GLIPR1L1: variants seen among roughly 807,000 people sequenced by gnomAD.
GLIPR1L1 encodes the protein GLIPR1 like 1, also known as GLIPR1-like protein 1.
Under a neutral mutation model 29.9 loss-of-function variants are expected in GLIPR1L1, and 26 were observed. That is an observed-to-expected ratio of 0.87 (90% CI 0.64 to 1.21). The LOEUF (loss-of-function observed/expected upper bound fraction) is 1.21, where lower values mean the gene tolerates loss of function less well. GLIPR1L1 is among the 50% of genes most tolerant of loss of function. The pLI, the probability that GLIPR1L1 is intolerant of heterozygous loss-of-function variation, is 0.00. For synonymous variants in GLIPR1L1, 77 were observed against 97.5 expected, an observed-to-expected ratio of 0.79 and a Z score of 1.24; for missense variants, 305 against 290.3, an observed-to-expected ratio of 1.05 and a Z score of -0.37.
chr12:75,352,208 A>G (rs953298500), intron 3 of GLIPR1L1, among the ~76,000 whole-genome samples: 2 of 152,248 alleles, frequency 1.3e-5, no homozygotes, highest in African/African-American at 4.8e-5. Flanking sequence ...AAGGCACAGA[A>G]TGGTAAGCTG....
intron 3 of GLIPR1L1, among the ~76,000 whole-genome samples, chr12:75,350,777 G>T (rs1241033737): frequency 6.6e-6 from 1 of 152,228 alleles, no homozygotes; most frequent in East Asian, 1.9e-4. Flanking sequence ...CAAAAAGCCA[G>T]AGTGTCTCTT....
intron 2 of GLIPR1L1, among the ~76,000 whole-genome samples, chr12:75,345,682 G>T (rs970513068): frequency 6.6e-6 from 1 of 152,154 alleles, no homozygotes; most frequent in Non-Finnish European, 1.5e-5. Flanking sequence ...TGGATACTAA[G>T]GGAAAATTGA....
chr12:75,343,283 C>A (rs1319432645), intron 1 of GLIPR1L1, among the ~76,000 whole-genome samples: 1 of 151,934 alleles, frequency 6.6e-6, no homozygotes, highest in Non-Finnish European at 1.5e-5. Flanking sequence ...TTATCTTTAT[C>A]AAATTAAGGG....
intron 3 of GLIPR1L1, among the ~76,000 whole-genome samples, chr12:75,353,133 A>G (rs2042924437): frequency 6.6e-6 from 1 of 152,200 alleles, no homozygotes; most frequent in South Asian, 2.1e-4. Context: ...GAAGACAAGA[A>G]AAAGCCAAGA....
Position 75,343,684 on chromosome 12 carries a change from A to G in GLIPR1L1, c.175-9A>G. On this transcript the variant is annotated splice_polypyrimidine_tract_variant and intron_variant, in intron 1 of 5. Transcript: ENST00000378695. Reference sequence around the variant, plus strand: ...GCACAATTCAATTTAAATTATTTTTATCTTTCAGATTTGGGATAAAGGTTT... The same window carrying G: ...GCACAATTCAATTTAAATTATTTTTGTCTTTCAGATTTGGGATAAAGGTTT... 6 of 1,579,990 alleles carry G rather than the reference A, an allele frequency of 3.8e-6. No homozygotes were observed. The highest frequency in any genetic ancestry group is 1.7e-4 in the Middle Eastern group (1 of 5,884).
rs556534695 is a variant in GLIPR1L1, at chr12:75,361,976, A to G, written c.522-1126A>G. The stretch of plus-strand genomic sequence containing the variant: ...AAACCTCTACGACCTTTAGATAGCC[A>G]AAGATTTTTAAACTACCACATTAAA... On this transcript the variant is annotated intron_variant, in intron 3 of 5. Transcript: ENST00000378695. Among the ~76,000 whole-genome samples the G allele has an allele frequency of 2.0e-5, 3 of 152,310 alleles. No individual in the cohort carries two copies. The South Asian group carries it at 6.2e-4, about 32-fold the overall frequency.
chr12:75,340,804 A>G (rs1377467521), intron 1 of GLIPR1L1, among the ~76,000 whole-genome samples: 7 of 152,060 alleles, frequency 4.6e-5, no homozygotes, highest in Non-Finnish European at 8.8e-5. Context: ...AGATATACAG[A>G]TGGAAAATAA....
At chr12:75,365,246 G>A (rs958359940) in intron 4 of GLIPR1L1, 10 of 152,116 alleles carry the variant, frequency 6.6e-5, no homozygotes, top group Non-Finnish European at 1.5e-4. Flanking sequence ...TCTTCAGAAT[G>A]CCATGATTCT....
chr12:75,367,090 A>C, intron 4 of GLIPR1L1: 1 of 694,636 alleles, frequency 1.4e-6, no homozygotes, highest in Non-Finnish European at 2.6e-6. Flanking sequence ...ACTGAGATTA[A>C]TTTGGGGAGA....
chr12:75,364,816 T>A (rs1025381765), intron 4 of GLIPR1L1: 8 of 152,152 alleles, frequency 5.3e-5, no homozygotes, highest in Non-Finnish European at 7.4e-5. Flanking sequence ...CTGATAAAAA[T>A]TTTTAATATA....
Position 75,370,186 on chromosome 12 carries a change from T to G in GLIPR1L1, c.*10T>G. ...TCTGAGAATCTTTTAATGTCATTTA[T>G]ATACAAAAGAAATTCTCAAATGTTA... On this transcript the variant is annotated 3_prime_UTR_variant, in exon 6 of 6. Transcript: ENST00000378695. The G allele has an allele frequency of 7.8e-7, 1 of 1,286,882 alleles. No individual in the cohort carries two copies. The highest frequency in any genetic ancestry group is 1.8e-4 in the Middle Eastern group (1 of 5,448). 79.7% of individuals were successfully genotyped at this position (1,286,882 alleles called of 1,614,324 possible).
At chr12:75,345,878 CT>C (rs1430002160) in intron 2 of GLIPR1L1, among the ~76,000 whole-genome samples, 1 of 152,162 alleles carries the variant, frequency 6.6e-6, no homozygotes, top group Non-Finnish European at 1.5e-5. Flanking sequence ...CTTCGTATTA[CT>C]AAATCAGAAA....
At chr12:75,363,461 G>A (rs1227090025) in intron 4 of GLIPR1L1, among the ~76,000 whole-genome samples, 2 of 152,078 alleles carry the variant, frequency 1.3e-5, no homozygotes, top group African/African-American at 2.4e-5. Context: ...ATAACTATGG[G>A]TTGAAATGCT....
At chr12:75,369,764 A>G in intron 4 of GLIPR1L1, 196 bp from the exon 5 acceptor site, 1 of 984,766 alleles carries the variant, frequency 1.0e-6, no homozygotes, top group Non-Finnish European at 1.2e-6. Context: ...ATATTTGTTG[A>G]CATAACACTG....
chr12:75,338,076 T>C (rs1308813870), intron 1 of GLIPR1L1, among the ~76,000 whole-genome samples: 2 of 152,100 alleles, frequency 1.3e-5, no homozygotes, highest in African/African-American at 4.8e-5. Context: ...CAAATCTCTT[T>C]GTGAAACTGA....
intron 2 of GLIPR1L1, 91 bp downstream of exon 2, chr12:75,344,029 T>C: frequency 9.3e-7 from 1 of 1,075,084 alleles, no homozygotes; most frequent in South Asian, 1.7e-5. Context: ...TGCCTTTATT[T>C]TTCTGGCTGC....
chr12:75,359,160 CACTT>C (rs1160244883), intron 3 of GLIPR1L1, among the ~76,000 whole-genome samples: 2 of 150,280 alleles, frequency 1.3e-5, no homozygotes, highest in Non-Finnish European at 3.0e-5. Flanking sequence ...TGTATACTAA[CACTT>C]AACCAGAAAT....
intron 1 of GLIPR1L1, among the ~76,000 whole-genome samples, chr12:75,337,361 A>G (rs925744290): frequency 2.6e-5 from 4 of 151,872 alleles, no homozygotes; most frequent in Non-Finnish European, 5.9e-5. Flanking sequence ...TAAAAAAAAG[A>G]TTAATGAAGA....
In GLIPR1L1 at chr12:75,370,288, T is replaced by C. The variant is rs141776221; in HGVS notation, c.*112T>C. On this transcript the variant is annotated 3_prime_UTR_variant, in exon 6 of 6. Transcript: ENST00000378695. ...TTACTGAATCTTCTACACTCTTGCC[T>C]GATACCTAAATTTAATGTTTGTTTT... 2.0e-5 allele frequency: 12 copies of C among 593,368 alleles called. No individual in the cohort carries two copies. The highest frequency in any genetic ancestry group is 5.7e-5 in the Admixed American group (2 of 35,258). The allele number at this position is 593,368 out of a possible 1,614,324, so 36.8% of individuals were successfully genotyped here. A position where few individuals can be genotyped will look rare whatever the true frequency, so the allele number is the denominator to read the frequency against.
Sources: allele counts gnomAD v4.1 joint callset (sites outside exome capture counted in the v4.1 genomes callset), GRCh38; gene constraint gnomAD v4.1.1; transcripts MANE v1.5; gene names NCBI Gene and HGNC (gene_info 2026-07-23, HGNC 2026-07-21).